The following FBXO45 variants were observed in gnomAD, a reference collection of about 807,000 sequenced individuals.
FBXO45 encodes the protein F-box/SPRY domain-containing protein 1.
A neutral mutation model predicts 25.5 loss-of-function variants in FBXO45; 3 were observed. The ratio of observed to expected loss-of-function variants is 0.12; its 90% confidence interval spans 0.05 to 0.30. The LOEUF (loss-of-function observed/expected upper bound fraction) is 0.30, where lower values mean the gene tolerates loss of function less well. Ranked by LOEUF, FBXO45 falls within the 10% of genes least tolerant of loss-of-function variation. The probability of loss-of-function intolerance (pLI) is 1.00; values close to 1 mark genes in which losing one functional copy is unlikely to be tolerated. For missense variants in FBXO45, 219 were observed against 365.0 expected, an observed-to-expected ratio of 0.60 and a Z score of 3.26; for synonymous variants, 155 against 149.8, an observed-to-expected ratio of 1.03 and a Z score of -0.25.
rs1055008949 is a variant in FBXO45, at chr3:196,568,966, A to G, written c.-19A>G. On this transcript the variant is annotated 5_prime_UTR_variant, in exon 1 of 3. Coordinates refer to ENST00000311630, the MANE Select transcript of FBXO45 (RefSeq NM_001105573.2). Reference sequence around the variant, plus strand: ...AAGCGGCGGCGGCAGCGGCGGCCCTAGGGCCGGCTGGTGAGGCGATGGCGG... The same window carrying G: ...AAGCGGCGGCGGCAGCGGCGGCCCTGGGGCCGGCTGGTGAGGCGATGGCGG... 15 of 989,332 alleles carry G rather than the reference A, an allele frequency of 1.5e-5. No homozygotes were observed. The highest frequency in any genetic ancestry group is 1.8e-5 in the African/African-American group (1 of 56,712). The allele number at this position is 989,332 out of a possible 1,614,324, so 61.3% of individuals were successfully genotyped here. A position where few individuals can be genotyped will look rare whatever the true frequency, so the allele number is the denominator to read the frequency against.
chr3:196,572,078 G>A (rs1339796293), intron 1 of FBXO45, among the ~76,000 whole-genome samples: 2 of 152,212 alleles, frequency 1.3e-5, no homozygotes, highest in African/African-American at 4.8e-5. Flanking sequence ...TTGAGGTTGA[G>A]CTTATATTTG....
At chr3:196,582,969 C>T (rs1736039101) in intron 2 of FBXO45, among the ~76,000 whole-genome samples, 1 of 152,118 alleles carries the variant, frequency 6.6e-6, no homozygotes, top group South Asian at 2.1e-4. Flanking sequence ...TCTCTCTATA[C>T]CCAAAACTTT....
chr3:196,575,951 G>T (rs1479642611), intron 1 of FBXO45, among the ~76,000 whole-genome samples: 3 of 152,144 alleles, frequency 2.0e-5, no homozygotes, highest in Non-Finnish European at 4.4e-5. Flanking sequence ...TGCTGGGATT[G>T]CAGGGGTGAG....
intron 1 of FBXO45, among the ~76,000 whole-genome samples, chr3:196,575,029 G>C (rs1310068095): frequency 6.6e-6 from 1 of 152,160 alleles, no homozygotes; most frequent in Non-Finnish European, 1.5e-5. Context: ...TAGAAAGACA[G>C]GTTTGGAAAT....
chr3:196,570,712 C>CTTTTTTTTTTTTTTTT (rs71161937), intron 1 of FBXO45, among the ~76,000 whole-genome samples: 1 of 99,852 alleles, frequency 1.0e-5, no homozygotes, highest in African/African-American at 3.1e-5. Flanking sequence ...TTTCTTTTTT[C>CTTTTTTTTTTTTTTTT]TTTTTTTTTT....
At chr3:196,580,214 T>TC in intron 2 of FBXO45, among the ~76,000 whole-genome samples, 1 of 150,294 alleles carries the variant, frequency 6.7e-6, no homozygotes, top group Non-Finnish European at 1.5e-5. Context: ...TTTTTTTTTT[T>TC]CTCCTTTTGA....
In FBXO45 at chr3:196,584,411, G is replaced by A. The variant is rs537183295; in HGVS notation, c.*93G>A. ...GTGACTGTCACACATGCATGTCCAA[G>A]AAACATCCTGAAAACACATGAAGTC... On this transcript the variant is annotated 3_prime_UTR_variant, in exon 3 of 3. Transcript: ENST00000311630. The surrounding 1 kb of genome is among the most constrained non-coding windows in gnomAD (Gnocchi z 4.3). 1.5e-5 allele frequency: 16 copies of A among 1,099,450 alleles called. No homozygotes were observed. The highest frequency in any genetic ancestry group is 2.0e-4 in the Middle Eastern group (1 of 4,908). The allele number at this position is 1,099,450 out of a possible 1,614,324, so 68.1% of individuals were successfully genotyped here.
At position 196,586,838 on chromosome 3, in the gene FBXO45, A is replaced by ATGC. The variant is rs1250660951; in HGVS notation, c.*2524_*2526dup. On this transcript the variant is annotated 3_prime_UTR_variant, in exon 3 of 3. Coordinates refer to ENST00000311630, the MANE Select transcript of FBXO45 (RefSeq NM_001105573.2). ...TTAAAAACTTTCTGGTCATTTCAAT[A>ATGC]TGCTGCCAAGGTTGAGAACCACTGT... 1 of 152,148 alleles carries ATGC rather than the reference A, an allele frequency of 6.6e-6. No homozygotes were observed. The highest frequency in any genetic ancestry group is 2.4e-5 in the African/African-American group (1 of 41,438). 9.4% of individuals were successfully genotyped at this position (152,148 alleles called of 1,614,324 possible).
chr3:196,578,640 T>C (rs1342451870), intron 2 of FBXO45, among the ~76,000 whole-genome samples: 1 of 152,188 alleles, frequency 6.6e-6, no homozygotes, highest in East Asian at 1.9e-4. Context: ...ACCTTATTTA[T>C]GGGCTGCAGG....
In FBXO45 at chr3:196,577,434, C is replaced by T; in HGVS notation, c.319-19C>T. On this transcript the variant is annotated intron_variant, in intron 1 of 2. Coordinates refer to ENST00000311630, the MANE Select transcript of FBXO45 (RefSeq NM_001105573.2). ...AAAATAAAATTGTTATTTATTTGGT[C>T]TGTTTTTCATCTTTTTAGATACGTG... The T allele has an allele frequency of 6.7e-7, 1 of 1,496,570 alleles. No individual in the cohort carries two copies. The highest frequency in any genetic ancestry group is 9.0e-7 in the Non-Finnish European group (1 of 1,106,482). 92.7% of individuals were successfully genotyped at this position (1,496,570 alleles called of 1,614,324 possible).
At chr3:196,571,393 A>T (rs988599883) in intron 1 of FBXO45, among the ~76,000 whole-genome samples, 1 of 151,992 alleles carries the variant, frequency 6.6e-6, no homozygotes, top group Non-Finnish European at 1.5e-5. Context: ...ACACTGGCTA[A>T]TTTTTTATTT....
chr3:196,569,237 C>G lies in FBXO45; in HGVS notation c.253C>G (p.Arg85Gly), dbSNP rs1735728534. The change falls in exon 1 of 3, where the codon CGC becomes GGC. Residue 85 changes from arginine to glycine, a missense_variant. Physicochemically the swap from Arg to Gly is moderately radical, Grantham distance 125. Transcript: ENST00000311630. This position sits in a 1 kb window ranked among gnomAD's most constrained non-coding sequence, Gnocchi z 4.1. The part of the protein sequence containing the change: ...NSEVWRSLCA[R>G]SLAEEALRTD... The stretch of plus-strand genomic sequence containing the variant: ...CGAGGTGTGGCGGAGCCTGTGCGCC[C>G]GCAGCCTGGCAGAAGAGGCTCTGCG... The G allele has an allele frequency of 1.3e-6, 2 of 1,583,166 alleles. No homozygotes were observed. Among genetic ancestry groups the G allele is most frequent in the Non-Finnish European group, 1.7e-6 (2 of 1,165,396 alleles).
chr3:196,570,258 T>C (rs1473405638), intron 1 of FBXO45, among the ~76,000 whole-genome samples: 3 of 99,764 alleles, frequency 3.0e-5, no homozygotes. Context: ...AACGATAACA[T>C]CCCCCCCTTT....
rs1735737674 is a variant in FBXO45 at position 196,569,380 on chromosome 3, C to G, written c.318+78C>G. On this transcript the variant is annotated intron_variant, in intron 1 of 2. Transcript: ENST00000311630. This position sits in a 1 kb window ranked among gnomAD's most constrained non-coding sequence, Gnocchi z 4.1. ...TTCGCGGTGTTTCTCATCCGAGCTT[C>G]TGAGTCAGAAGCTTCGCCTCACCAG... The G allele has an allele frequency of 7.2e-7, 1 of 1,393,288 alleles. No homozygotes were observed. The highest frequency in any genetic ancestry group is 1.4e-5 in the African/African-American group (1 of 69,738). 86.3% of individuals were successfully genotyped at this position (1,393,288 alleles called of 1,614,324 possible).
chr3:196,576,931 G>T (rs1347456871), intron 1 of FBXO45, among the ~76,000 whole-genome samples: 1 of 152,138 alleles, frequency 6.6e-6, no homozygotes, highest in Non-Finnish European at 1.5e-5. Context: ...TTGCCCATAT[G>T]AAAACTGTAC....
intron 2 of FBXO45, among the ~76,000 whole-genome samples, chr3:196,578,046 C>CTTTTT (rs775555553): frequency 1.1e-5 from 1 of 94,100 alleles, no homozygotes; most frequent in Non-Finnish European, 1.9e-5. Context: ...GAAAAATATT[C>CTTTTT]TTTTTTTTTT....
rs148963357 is a variant in FBXO45 at position 196,568,683 on chromosome 3, C to T, written c.-302C>T. On this transcript the variant is annotated 5_prime_UTR_variant, in exon 1 of 3. Transcript: ENST00000311630. ...GCGCCCTTGCTTCGTGCCCTCAACC[C>T]GCATGGCGGAGCCGCTGGCGCGCCG... 0.012 allele frequency: 1,775 copies of T among 152,466 alleles called. 15 individuals are homozygous for T. Among genetic ancestry groups the T allele is most frequent in the Non-Finnish European group, 0.018 (1,238 of 68,154 alleles). The allele number at this position is 152,466 out of a possible 1,614,324, so 9.4% of individuals were successfully genotyped here.
intron 1 of FBXO45, among the ~76,000 whole-genome samples, chr3:196,570,369 C>T (rs894241630): frequency 1.3e-5 from 2 of 151,096 alleles, no homozygotes; most frequent in Admixed American, 1.3e-4. Context: ...TCCCGAGTAG[C>T]TGGGATTACA....
At chr3:196,570,283 G>A (rs1245520822) in intron 1 of FBXO45, among the ~76,000 whole-genome samples, 2 of 140,048 alleles carry the variant, frequency 1.4e-5, no homozygotes, top group Admixed American at 7.3e-5. Context: ...TTTTTTTTGA[G>A]ACGGAGTGCA....
Sources: gnomAD v4.1 joint callset for allele counts (sites outside exome capture counted in the v4.1 genomes callset) on GRCh38, gnomAD v4.1.1 for gene constraint, Gnocchi (gnomAD v3.1) non-coding constraint, MANE v1.5 for transcripts, NCBI Gene and HGNC (gene_info 2026-07-23, HGNC 2026-07-21) for gene names.